PTPRT: variants seen among roughly 807,000 people sequenced by gnomAD.
PTPRT encodes the protein protein tyrosine phosphatase receptor type T, also known as receptor-type tyrosine-protein phosphatase T.
A neutral mutation model predicts 176.8 loss-of-function variants in PTPRT; 56 were observed. That is an observed-to-expected ratio of 0.32 (90% CI 0.26 to 0.40). The LOEUF is 0.40. Ranked by LOEUF, PTPRT falls within the 10% of genes least tolerant of loss-of-function variation. The pLI is 1.00. For synonymous variants in PTPRT, 783 were observed against 739.0 expected, an observed-to-expected ratio of 1.06 and a Z score of -0.96; for missense variants, 1,540 against 1,908.2, an observed-to-expected ratio of 0.81 and a Z score of 3.60.
chr20:42,330,105 C>T (rs997912358), intron 11 of PTPRT, among the ~76,000 whole-genome samples: 1 of 152,194 alleles, frequency 6.6e-6, no homozygotes, highest in African/African-American at 2.4e-5. Flanking sequence ...GTGCTATTTT[C>T]TAAGTACATG....
intron 9 of PTPRT, among the ~76,000 whole-genome samples, chr20:42,409,136 AC>A (rs1222350407): frequency 2.6e-5 from 4 of 152,214 alleles, no homozygotes; most frequent in African/African-American, 9.7e-5. Flanking sequence ...AAATAGTTAT[AC>A]CATTGCAATC....
intron 6 of PTPRT, among the ~76,000 whole-genome samples, chr20:42,694,456 G>A (rs756372779): frequency 1.3e-5 from 2 of 152,136 alleles, no homozygotes; most frequent in Non-Finnish European, 2.9e-5. Context: ...CTCCCGTTAA[G>A]GGTCATCTAG....
intron 1 of PTPRT, among the ~76,000 whole-genome samples, chr20:43,082,111 T>C (rs1329312995): frequency 1.3e-5 from 2 of 152,196 alleles, no homozygotes; most frequent in African/African-American, 2.4e-5. Flanking sequence ...TGCCATTTTA[T>C]CCCTTTATTT....
intron 11 of PTPRT, among the ~76,000 whole-genome samples, chr20:42,321,669 C>A (rs1274053989): frequency 6.6e-6 from 1 of 152,174 alleles, no homozygotes; most frequent in Admixed American, 6.5e-5. Context: ...TGTTTACTGG[C>A]TTTACTGCTT....
intron 7 of PTPRT, among the ~76,000 whole-genome samples, chr20:42,524,260 T>C (rs1172550091): frequency 6.6e-6 from 1 of 152,216 alleles, no homozygotes; most frequent in Admixed American, 6.5e-5. Context: ...TTTTGCATAG[T>C]AGGCTTTTCT....
intron 2 of PTPRT, among the ~76,000 whole-genome samples, chr20:42,833,835 G>A (rs1183375961): frequency 6.6e-6 from 1 of 152,070 alleles, no homozygotes; most frequent in Non-Finnish European, 1.5e-5. Context: ...AAGAAAGGAG[G>A]ACCCTTGACC....
At chr20:42,430,796 G>A (rs1053949530) in intron 9 of PTPRT, among the ~76,000 whole-genome samples, 1 of 152,162 alleles carries the variant, frequency 6.6e-6, no homozygotes, top group African/African-American at 2.4e-5. Context: ...TGCATGATAC[G>A]CTTTTCACAC....
At chr20:42,965,739 T>C (rs1982254200) in intron 1 of PTPRT, among the ~76,000 whole-genome samples, 1 of 152,198 alleles carries the variant, frequency 6.6e-6, no homozygotes, top group African/African-American at 2.4e-5. Flanking sequence ...AAACTTAACA[T>C]GGCACTGATG....
intron 8 of PTPRT, among the ~76,000 whole-genome samples, chr20:42,462,103 G>A (rs1165209881): frequency 6.6e-6 from 1 of 152,090 alleles, no homozygotes; most frequent in Non-Finnish European, 1.5e-5. Flanking sequence ...AGGTGAGGGG[G>A]AGGTCAAATA....
the PTPRT span, among the ~76,000 whole-genome samples, chr20:42,055,577 G>T: frequency 1.3e-5 from 2 of 152,132 alleles, no homozygotes; most frequent in Middle Eastern, 3.2e-3. Context: ...TAGAGGCAGG[G>T]TACCATTTCT....
chr20:42,087,596 C>T (rs773762613), intron 27 of PTPRT, among the ~76,000 whole-genome samples: 11 of 147,592 alleles, frequency 7.5e-5, no homozygotes, highest in Non-Finnish European at 1.6e-4. Flanking sequence ...GAGATGGAGG[C>T]TGGGTGCGGT....
chr20:42,837,856 G>A (rs1197483204), intron 2 of PTPRT, among the ~76,000 whole-genome samples: 11 of 152,142 alleles, frequency 7.2e-5, no homozygotes, highest in Non-Finnish European at 1.2e-4. Flanking sequence ...GGAGGAAAAC[G>A]GGATAGGATT....
chr20:42,626,837 T>G (rs1029735867), intron 7 of PTPRT, among the ~76,000 whole-genome samples: 14 of 152,158 alleles, frequency 9.2e-5, no homozygotes, highest in Admixed American at 9.2e-4. Flanking sequence ...GGGTCCCCAA[T>G]CTAGCAGTGA....
At chr20:42,131,486 A>G (rs1341653581) in intron 18 of PTPRT, among the ~76,000 whole-genome samples, 1 of 152,278 alleles carries the variant, frequency 6.6e-6, no homozygotes, top group Non-Finnish European at 1.5e-5. Context: ...TTTAAAATAT[A>G]AAATGAAGTT....
intron 1 of PTPRT, among the ~76,000 whole-genome samples, chr20:42,908,163 G>C (rs1024746389): frequency 6.6e-6 from 1 of 151,942 alleles, no homozygotes; most frequent in African/African-American, 2.4e-5. Context: ...AGAGAACGGG[G>C]GATAAGCATC....
rs1375213313 is a variant in PTPRT at position 42,745,521 on chromosome 20, A to C, written c.859+10941T>G. ...ATCCAAAATGTCTCCAGACATTGCC[A>C]AATGTCCCCTGGAAGGAAAATCACC... On this transcript the variant is annotated intron_variant, in intron 6 of 30. Transcript: ENST00000373187. Among the ~76,000 whole-genome samples, 9 of 152,278 alleles carry C rather than the reference A, an allele frequency of 5.9e-5. No individual in the cohort carries two copies. In the South Asian group the frequency reaches 1.0e-3, roughly 18 times the overall value.
intron 1 of PTPRT, among the ~76,000 whole-genome samples, chr20:42,975,370 A>T (rs1982888816): frequency 6.6e-6 from 1 of 152,160 alleles, no homozygotes. Context: ...CCCTAAAAGG[A>T]AACACAAAAA....
At chr20:42,729,941 G>A (rs1424592333) in intron 6 of PTPRT, among the ~76,000 whole-genome samples, 1 of 152,146 alleles carries the variant, frequency 6.6e-6, no homozygotes, top group Non-Finnish European at 1.5e-5. Context: ...AGCCAACAAG[G>A]ATGATAACCT....
intron 1 of PTPRT, among the ~76,000 whole-genome samples, chr20:43,151,659 T>C (rs967172366): frequency 3.3e-5 from 5 of 151,814 alleles, no homozygotes; most frequent in African/African-American, 9.7e-5. Context: ...GTCAGGAGTT[T>C]GAGACCAGCC....
Sources: allele counts gnomAD v4.1 joint callset (sites outside exome capture counted in the v4.1 genomes callset), GRCh38; gene constraint gnomAD v4.1.1; transcripts MANE v1.5; gene names NCBI Gene and HGNC (gene_info 2026-07-23, HGNC 2026-07-21).